ADAMTS7: variants seen among roughly 807,000 people sequenced by gnomAD.
ADAMTS7 encodes the protein A disintegrin and metalloproteinase with thrombospondin motifs 7.
In ADAMTS7, 89 loss-of-function variants were observed where a neutral mutation model predicts 172.6. That is an observed-to-expected ratio of 0.52 (90% confidence interval 0.43 to 0.61). The LOEUF is 0.61. Among genes scored for constraint, ADAMTS7 ranks in the 20% least tolerant of loss-of-function variants. The probability of loss-of-function intolerance (pLI) is 0.00; values close to 1 mark genes in which losing one functional copy is unlikely to be tolerated. For synonymous variants in ADAMTS7, 885 were observed against 978.4 expected (o/e 0.90, Z 1.78); for missense variants, 1,973 against 2,355.6 (o/e 0.84, Z 3.36).
intron 23 of ADAMTS7, chr15:78,762,031 CCA>C: frequency 5.1e-6 from 5 of 985,402 alleles, no homozygotes; most frequent in Non-Finnish European, 6.0e-6. Flanking sequence ...TCACCCAGGC[CCA>C]GTTTTCACAC....
At chr15:78,803,432 G>A (rs1037197399) in intron 1 of ADAMTS7, among the ~76,000 whole-genome samples, 12 of 150,900 alleles carry the variant, frequency 8.0e-5, no homozygotes, top group African/African-American at 2.9e-4. Context: ...ACAAGATTTT[G>A]TGGCAAATTT....
At chr15:78,783,685 TCG>T (rs1440714779) in intron 8 of ADAMTS7, among the ~76,000 whole-genome samples, 4 of 152,306 alleles carry the variant, frequency 2.6e-5, no homozygotes, top group African/African-American at 9.6e-5. Context: ...AGTAATAACC[TCG>T]CAGAGATAAG....
At position 78,762,408 on chromosome 15, in the gene ADAMTS7, G is replaced by A; in HGVS notation, c.4898C>T (p.Pro1633Leu). The A allele has an allele frequency of 6.8e-7, 1 of 1,474,836 alleles. No homozygotes were observed. Among genetic ancestry groups the A allele is most frequent in the Non-Finnish European group, 9.0e-7 (1 of 1,109,122 alleles). 91.4% of individuals were successfully genotyped at this position (1,474,836 alleles called of 1,614,324 possible). ...CCTGGGGTCAGGGGACTCACGGGGA[G>A]GCTCGACGGGCTCACAATCCTCGGT... is the stretch of plus-strand genomic sequence containing the variant. ...CGTEDCEPVE[P>L]PRCERDRLSF... The change falls in exon 23 of 24, where the codon CCT becomes CTT. Residue 1633 changes from proline (P) to leucine (L), a missense_variant. By Grantham distance (98) the Pro-to-Leu change is moderately conservative. Coordinates refer to ENST00000388820, the MANE Select transcript of ADAMTS7 (RefSeq NM_014272.5).
chr15:78,785,261 G>A (rs540106407), intron 8 of ADAMTS7, among the ~76,000 whole-genome samples: 1 of 152,176 alleles, frequency 6.6e-6, no homozygotes, highest in Non-Finnish European at 1.5e-5. Flanking sequence ...AAAAAGAAAT[G>A]CCATCTAGAT....
rs1302824647 is a variant in ADAMTS7 at position 78,759,287 on chromosome 15, G to T, written c.*134C>A. 4 of 749,054 alleles carry T rather than the reference G, an allele frequency of 5.3e-6. No individual in the cohort carries two copies. The highest frequency in any genetic ancestry group is 5.9e-6 in the Non-Finnish European group (3 of 505,670). 46.4% of individuals were successfully genotyped at this position (749,054 alleles called of 1,614,324 possible). On this transcript the variant is annotated 3_prime_UTR_variant, in exon 24 of 24. Coordinates refer to ENST00000388820, the MANE Select transcript of ADAMTS7 (RefSeq NM_014272.5). ...TAGAATAAAAAAATACCTTTTTTGA[G>T]GGGGAGGAGGTCCCCAGCCTGCTGC...
At chr15:78,807,865 A>T (rs1333872332) in intron 1 of ADAMTS7, among the ~76,000 whole-genome samples, 6 of 143,906 alleles carry the variant, frequency 4.2e-5, no homozygotes, top group Admixed American at 1.4e-4. Flanking sequence ...GTTTTTATTT[A>T]TTTATTTCTT....
rs755968836 is a variant in ADAMTS7 at position 78,766,176 on chromosome 15, A to G, written c.3735T>C (p.Pro1245=). 2 of 1,611,028 alleles carry G rather than the reference A, an allele frequency of 1.2e-6. No individual in the cohort carries two copies. The highest frequency in any genetic ancestry group is 1.1e-5 in the South Asian group (1 of 90,956). The change falls in exon 19 of 24, where the codon CCT becomes CCC. Residue 1245 remains proline, a synonymous_variant. Transcript: ENST00000388820. ...RPSSTLPPLS[P]VGSTHSSPSP... ...TAGGAGAGGAGTGGGTGCTGCCAAC[A>G]GGGGACAAAGGGGGCAGCGTGGAGC...
chr15:78,802,976 G>A (rs944482517), intron 1 of ADAMTS7, among the ~76,000 whole-genome samples: 38 of 152,020 alleles, frequency 2.5e-4, no homozygotes, highest in African/African-American at 8.5e-4. Context: ...CAGCCTGGGC[G>A]ACAGAGTGAG....
intron 22 of ADAMTS7, among the ~76,000 whole-genome samples, chr15:78,762,960 C>T (rs1167594198): frequency 2.0e-5 from 3 of 152,224 alleles, no homozygotes; most frequent in Admixed American, 2.0e-4. Context: ...GGACCTGCCG[C>T]AGCCCATGGG....
At chr15:78,780,261 T>TG (rs1036560350) in intron 8 of ADAMTS7, among the ~76,000 whole-genome samples, 2 of 151,684 alleles carry the variant, frequency 1.3e-5, no homozygotes, top group Non-Finnish European at 2.9e-5. Context: ...ATAGCGGGGC[T>TG]GGGCAGTCCC....
intron 1 of ADAMTS7, among the ~76,000 whole-genome samples, chr15:78,807,133 G>A (rs16970108): frequency 0.076 from 11,508 of 152,220 alleles, 1,434 homozygotes; most frequent in African/African-American, 0.26. Flanking sequence ...AGCCAAGGCA[G>A]CTAAAGATGA....
chr15:78,791,472 C>T (rs11639044), intron 4 of ADAMTS7, among the ~76,000 whole-genome samples: 44,737 of 152,158 alleles, frequency 0.29, 8,436 homozygotes, highest in Non-Finnish European at 0.43. Context: ...AAGAGGCCTC[C>T]GAGGCCCCTT....
chr15:78,805,733 G>C (rs973398505), intron 1 of ADAMTS7, among the ~76,000 whole-genome samples: 1 of 152,114 alleles, frequency 6.6e-6, no homozygotes, highest in African/African-American at 2.4e-5. Context: ...ACTGTGAGGG[G>C]GCACTAGGTG....
Position 78,796,871 on chromosome 15 carries a change from T to C in ADAMTS7, c.623-85A>G, listed in dbSNP as rs532820293. ...CAGGGCCTCTCCTCAGTGAGCTCTC[T>C]CTGGGGCACTGGGAACCACACAGGG... is the stretch of plus-strand genomic sequence containing the variant. On this transcript the variant is annotated intron_variant, in intron 3 of 23. Coordinates refer to ENST00000388820, the MANE Select transcript of ADAMTS7 (RefSeq NM_014272.5). 216 of 1,261,270 alleles carry C rather than the reference T, an allele frequency of 1.7e-4. 1 individual carries two copies. In the Middle Eastern group the frequency reaches 2.2e-3, roughly 13 times the overall value. 78.1% of individuals were successfully genotyped at this position (1,261,270 alleles called of 1,614,324 possible).
Position 78,766,797 on chromosome 15 carries a change from T to C in ADAMTS7, c.3114A>G (p.Pro1038=). The C allele has an allele frequency of 6.2e-7, 1 of 1,610,558 alleles. No homozygotes were observed. The highest frequency in any genetic ancestry group is 8.5e-7 in the Non-Finnish European group (1 of 1,179,792). Residue 1038 remains proline (P), a synonymous_variant, in exon 19 of 24, where the codon CCA becomes CCG. Transcript: ENST00000388820. The stretch of plus-strand genomic sequence containing the variant: ...CCTCAATGGCGTTGCCCATGGTGCC[T>C]GGCTTGGGTGATGAGGCGGGTGAAG... ...PRPSPASSPK[P]GTMGNAIEEE...
intron 8 of ADAMTS7, among the ~76,000 whole-genome samples, chr15:78,780,429 T>A (rs1245384562): frequency 2.0e-5 from 3 of 152,144 alleles, no homozygotes; most frequent in Non-Finnish European, 4.4e-5. Flanking sequence ...AGTCACTGAA[T>A]GGGGGGTCCA....
At chr15:78,763,099 T>C (rs1312797975) in intron 22 of ADAMTS7, among the ~76,000 whole-genome samples, 1 of 152,176 alleles carries the variant, frequency 6.6e-6, no homozygotes, top group East Asian at 1.9e-4. Context: ...TTGCGTTCCT[T>C]CATTTAATCC....
rs374981228 is a variant in ADAMTS7 at position 78,762,485 on chromosome 15, G to A, written c.4821C>T (p.Asp1607=). ...VNTQTGLPEE[D]SDQCGHEAWP... ...AGGCCTCGTGGCCACACTGGTCACT[G>A]TCTTCCTCGGGCAGCCCTGTCTGGG... Residue 1607 remains aspartate, a synonymous_variant, in exon 23 of 24, where the codon GAC becomes GAT. Transcript: ENST00000388820. 1.9e-6 allele frequency: 3 copies of A among 1,589,184 alleles called. No individual in the cohort carries two copies. In the South Asian group the frequency reaches 3.4e-5, roughly 18 times the overall value.
At chr15:78,801,367 C>T (rs547206035) in intron 1 of ADAMTS7, among the ~76,000 whole-genome samples, 77 of 152,290 alleles carry the variant, frequency 5.1e-4, no homozygotes, top group Middle Eastern at 3.4e-3. Flanking sequence ...ACAGGCCAGA[C>T]GTGCTCCTGC....
Sources: allele counts gnomAD v4.1 joint callset (sites outside exome capture counted in the v4.1 genomes callset), GRCh38; gene constraint gnomAD v4.1.1; transcripts MANE v1.5; gene names NCBI Gene and HGNC (gene_info 2026-07-23, HGNC 2026-07-21).